The following MARCHF6 variants were observed in gnomAD, a reference collection of about 807,000 sequenced individuals.
The protein encoded by MARCHF6 is E3 ubiquitin-protein ligase MARCHF6.
In MARCHF6, 31 loss-of-function variants were observed where a neutral mutation model predicts 133.7. That is an observed-to-expected ratio of 0.23 (90% CI 0.17 to 0.31). MARCHF6 has a LOEUF of 0.31. Ranked by LOEUF, MARCHF6 falls within the 10% of genes least tolerant of loss-of-function variation. The pLI, the probability that MARCHF6 is intolerant of heterozygous loss-of-function variation, is 1.00. For synonymous variants in MARCHF6, 395 were observed against 402.5 expected, an observed-to-expected ratio of 0.98 and a Z score of 0.22; for missense variants, 723 against 1,121.6, an observed-to-expected ratio of 0.64 and a Z score of 5.08.
At chr5:10,409,181 T>C (rs2126783070) in intron 17 of MARCHF6, among the ~76,000 whole-genome samples, 1 of 152,342 alleles carries the variant, frequency 6.6e-6, no homozygotes. Flanking sequence ...AAAGGTTTAC[T>C]CTACACATAG....
intron 7 of MARCHF6, among the ~76,000 whole-genome samples, chr5:10,391,959 C>T (rs1031838103): frequency 2.7e-5 from 4 of 148,272 alleles, no homozygotes; most frequent in Non-Finnish European, 5.9e-5. Flanking sequence ...TTTACACAGG[C>T]CTTTTTTTTT....
chr5:10,394,436 C>T (rs1008135252), intron 8 of MARCHF6, among the ~76,000 whole-genome samples: 6 of 152,090 alleles, frequency 3.9e-5, no homozygotes, highest in African/African-American at 1.4e-4. Context: ...TTTCATGCTT[C>T]AGTTGACAAA....
At chr5:10,416,129 G>C (rs1043008579) in intron 21 of MARCHF6, among the ~76,000 whole-genome samples, 1 of 152,096 alleles carries the variant, frequency 6.6e-6, no homozygotes, top group Admixed American at 6.5e-5. Flanking sequence ...GGCCTTACTG[G>C]ACACTTTGTA....
intron 4 of MARCHF6, among the ~76,000 whole-genome samples, chr5:10,385,188 G>T (rs1737392817): frequency 6.6e-6 from 1 of 152,238 alleles, no homozygotes; most frequent in African/African-American, 2.4e-5. Flanking sequence ...AGGGGCTGTT[G>T]CCTGGGAAGA....
intron 25 of MARCHF6, 81 bp from the exon 26 acceptor site, chr5:10,433,513 G>A: frequency 9.5e-7 from 1 of 1,057,190 alleles, no homozygotes; most frequent in Non-Finnish European, 1.5e-6. Context: ...TTTTAAGTAG[G>A]AGTTAGATTT....
At chr5:10,369,215 G>A (rs936401686) in intron 1 of MARCHF6, among the ~76,000 whole-genome samples, 2 of 152,192 alleles carry the variant, frequency 1.3e-5, no homozygotes, top group African/African-American at 4.8e-5. Context: ...TTCAGAGGTG[G>A]CAGGGAAGTG....
chr5:10,379,286 A>G (rs963104940), intron 3 of MARCHF6, among the ~76,000 whole-genome samples: 14 of 152,062 alleles, frequency 9.2e-5, no homozygotes, highest in African/African-American at 3.1e-4. Context: ...ATACTTCAGT[A>G]TGTATCTCTA....
At chr5:10,367,133 T>C (rs1736184406) in intron 1 of MARCHF6, among the ~76,000 whole-genome samples, 1 of 152,134 alleles carries the variant, frequency 6.6e-6, no homozygotes, top group Admixed American at 6.6e-5. Context: ...CTCCTTAAAA[T>C]TGTCAAGGTC....
Position 10,410,159 on chromosome 5 carries a change from T to A in MARCHF6, c.1574T>A (p.Leu525Gln). 6.2e-7 allele frequency: 1 copy of A among 1,614,134 alleles called. No homozygotes were observed. Residue 525 changes from leucine to glutamine, a missense_variant, in exon 18 of 26, where the codon CTG becomes CAG. Physicochemically the swap from Leu to Gln is moderately radical, Grantham distance 113. Transcript: ENST00000274140. ...MLYSDAPVSE[L>Q]SLELLLLQVV... is the part of the protein sequence containing the mutation. ...TTCAGTGATGCTCCAGTGAGTGAAC[T>A]GTCCCTCGAGCTGCTTCTGCTTCAG...
chr5:10,367,392 ACT>A (rs1380235972), intron 1 of MARCHF6, among the ~76,000 whole-genome samples: 1 of 152,120 alleles, frequency 6.6e-6, no homozygotes, highest in African/African-American at 2.4e-5. Flanking sequence ...GGAACTCTGT[ACT>A]CTCTTCATAT....
chr5:10,430,034 T>A lies in MARCHF6; in HGVS notation c.2642+6T>A. On this transcript the variant is annotated splice_donor_region_variant and intron_variant, in intron 25 of 25. Coordinates refer to ENST00000274140, the MANE Select transcript of MARCHF6 (RefSeq NM_005885.4). Reference sequence around the variant, plus strand: ...GAACATATTAAAAATGACAAGTAAGTCTGGCGTTCTGTTCGTCTCTTGTTT... The same window carrying A: ...GAACATATTAAAAATGACAAGTAAGACTGGCGTTCTGTTCGTCTCTTGTTT... 1 of 1,605,688 alleles carries A rather than the reference T, an allele frequency of 6.2e-7. No individual in the cohort carries two copies. The highest frequency in any genetic ancestry group is 2.2e-5 in the East Asian group (1 of 44,656).
intron 14 of MARCHF6, among the ~76,000 whole-genome samples, chr5:10,403,118 A>G (rs1316694376): frequency 1.3e-5 from 2 of 152,202 alleles, no homozygotes; most frequent in Non-Finnish European, 2.9e-5. Flanking sequence ...AAACTTCTCA[A>G]GAATGCAGAC....
At position 10,381,993 on chromosome 5, in the gene MARCHF6, T is replaced by G. The variant is rs916482613; in HGVS notation, c.334+50T>G. On this transcript the variant is annotated intron_variant, in intron 4 of 25. Coordinates refer to ENST00000274140, the MANE Select transcript of MARCHF6 (RefSeq NM_005885.4). ...AGTTATTTAAACATTGCATAACTAC[T>G]TAATATTATAAAGCAATATTGCATC... 14 of 1,517,506 alleles carry G rather than the reference T, an allele frequency of 9.2e-6. No homozygotes were observed. The East Asian group carries it at 3.2e-4, about 35-fold the overall frequency. The allele number at this position is 1,517,506 out of a possible 1,614,324, so 94.0% of individuals were successfully genotyped here.
intron 4 of MARCHF6, 140 bp downstream of exon 4, chr5:10,382,083 C>T: frequency 1.1e-6 from 1 of 928,206 alleles, no homozygotes; most frequent in Non-Finnish European, 1.6e-6. Flanking sequence ...GAAAGCCTTA[C>T]TTAGAAGATG....
At chr5:10,375,479 C>T (rs1025183476) in intron 1 of MARCHF6, among the ~76,000 whole-genome samples, 2 of 152,270 alleles carry the variant, frequency 1.3e-5, no homozygotes, top group Non-Finnish European at 2.9e-5. Flanking sequence ...GCCTCCCCGA[C>T]GAGCACCACC....
Position 10,438,206 on chromosome 5 carries a change from T to A in MARCHF6, c.*4522T>A, listed in dbSNP as rs1411612940. 1 of 152,138 alleles carries A rather than the reference T, an allele frequency of 6.6e-6. No individual in the cohort carries two copies. Among genetic ancestry groups the A allele is most frequent in the Non-Finnish European group, 1.5e-5 (1 of 68,026 alleles). 9.4% of individuals were successfully genotyped at this position (152,138 alleles called of 1,614,324 possible). A position where few individuals can be genotyped will look rare whatever the true frequency, so the allele number is the denominator to read the frequency against. The stretch of plus-strand genomic sequence containing the variant: ...AGCTGAATACTTAGAGTAAAACCAA[T>A]CAAATCCATTGTACATACCTGACCA... On this transcript the variant is annotated 3_prime_UTR_variant, in exon 26 of 26. Transcript: ENST00000274140.
chr5:10,417,417 C>A lies in MARCHF6; in HGVS notation c.2283+13C>A, dbSNP rs975249412. The A allele has an allele frequency of 6.2e-7, 1 of 1,613,076 alleles. No individual in the cohort carries two copies. Among genetic ancestry groups the A allele is most frequent in the Non-Finnish European group, 8.5e-7 (1 of 1,179,734 alleles). ...TTATCCATGGCAGGTAAATGTATGT[C>A]TTTTGCTCATGTTATTTCATTAAGG... On this transcript the variant is annotated intron_variant, in intron 22 of 25. Transcript: ENST00000274140.
chr5:10,430,707 A>AT (rs1430330359), intron 25 of MARCHF6, among the ~76,000 whole-genome samples: 1 of 152,206 alleles, frequency 6.6e-6, no homozygotes, highest in Admixed American at 6.5e-5. Flanking sequence ...AGAAGCCTGC[A>AT]TTAGAAACTA....
intron 10 of MARCHF6, among the ~76,000 whole-genome samples, chr5:10,398,457 A>G (rs1034304277): frequency 2.6e-5 from 4 of 152,220 alleles, no homozygotes; most frequent in Non-Finnish European, 4.4e-5. Context: ...GATACTCACA[A>G]AGGTGCAGAT....
Sources: gnomAD v4.1 joint callset for allele counts (sites outside exome capture counted in the v4.1 genomes callset) on GRCh38, gnomAD v4.1.1 for gene constraint, MANE v1.5 for transcripts, NCBI Gene and HGNC (gene_info 2026-07-23, HGNC 2026-07-21) for gene names.